Variants in ZNF875 observed in about 807,000 individuals in gnomAD.
ZNF875 encodes HKR1, GLI-Kruppel zinc finger family member.
In ZNF875, 14 loss-of-function variants were observed where a neutral mutation model predicts 11.2. The observed-to-expected ratio is 1.26, with a 90% CI of 0.83 to 1.96. ZNF875 has a LOEUF of 1.96. ZNF875 is among the 30% of genes most tolerant of loss of function. The probability of loss-of-function intolerance (pLI) is 0.00; values close to 1 mark genes in which losing one functional copy is unlikely to be tolerated. For missense variants in ZNF875, 752 were observed against 760.4 expected, an observed-to-expected ratio of 0.99 and a Z score of 0.13; for synonymous variants, 301 against 281.1, an observed-to-expected ratio of 1.07 and a Z score of -0.71.
At chr19:37,335,785 C>T (rs1465996182) in intron 2 of ZNF875, among the ~76,000 whole-genome samples, 2 of 152,188 alleles carry the variant, frequency 1.3e-5, no homozygotes, top group Non-Finnish European at 2.9e-5. Context: ...TTGCTCACAT[C>T]CTGCATTCAT....
chr19:37,357,691 T>C lies in ZNF875; in HGVS notation c.257-4418T>C, dbSNP rs117502681. On this transcript the variant is annotated intron_variant, in intron 4 of 4. Transcript: ENST00000392153. ...TATTGATTTTTGTACATTGATTTTG[T>C]ATCCTGGAACTTTACTGAATTTTTT... Among the ~76,000 whole-genome samples the C allele has an allele frequency of 6.3e-3, 954 of 152,282 alleles. 25 individuals are homozygous for C. Among genetic ancestry groups the C allele is most frequent in the East Asian group, 0.052 (269 of 5,178 alleles).
chr19:37,332,882 A>G (rs952995175), upstream of ZNF875, among the ~76,000 whole-genome samples: 1 of 152,228 alleles, frequency 6.6e-6, no homozygotes, highest in African/African-American at 2.4e-5. Context: ...CTTAAAGCAC[A>G]GATAATGACA....
chr19:37,328,028 G>C (rs2032797804), intron 4 of ZNF875, among the ~76,000 whole-genome samples: 1 of 152,064 alleles, frequency 6.6e-6, no homozygotes, highest in Admixed American at 6.6e-5. Flanking sequence ...GATCACCTGA[G>C]GTCAGGAGTT....
chr19:37,343,929 C>G (rs1182954721), intron 2 of ZNF875, among the ~76,000 whole-genome samples: 1 of 152,152 alleles, frequency 6.6e-6, no homozygotes, highest in African/African-American at 2.4e-5. Context: ...AAGAAGTTCA[C>G]AGAGAGAGTG....
intron 2 of ZNF875, among the ~76,000 whole-genome samples, chr19:37,343,090 A>G (rs2036061261): frequency 6.6e-6 from 1 of 152,066 alleles, no homozygotes; most frequent in Non-Finnish European, 1.5e-5. Context: ...TGTAATCCCA[A>G]CACTTTGGGA....
intron 4 of ZNF875, chr19:37,325,196 C>T (rs1368145304): frequency 2.0e-5 from 3 of 152,254 alleles, no homozygotes; most frequent in Non-Finnish European, 2.9e-5. Context: ...TAGTGTCAGC[C>T]ATGCTACTCT....
intron 2 of ZNF875, among the ~76,000 whole-genome samples, chr19:37,343,328 G>A (rs376194884): frequency 2.7e-5 from 4 of 149,604 alleles, no homozygotes; most frequent in African/African-American, 7.4e-5. Context: ...AGGTGTCAGA[G>A]TGAGACTATC....
upstream of ZNF875, among the ~76,000 whole-genome samples, chr19:37,333,187 A>G (rs1441948580): frequency 6.6e-6 from 1 of 152,138 alleles, no homozygotes. Context: ...GTACACCTAC[A>G]TCTAAACATA....
chr19:37,317,166 A>G (rs1291255655), upstream of ZNF875: 2 of 117,402 alleles, frequency 1.7e-5, no homozygotes, highest in Non-Finnish European at 3.5e-5. Flanking sequence ...ATTTTTTATA[A>G]TTTACTAACC....
At chr19:37,317,070 G>T (rs2030257486), upstream of ZNF875, 1 of 149,096 alleles carries the variant, frequency 6.7e-6, no homozygotes. Context: ...CACCTCCCGG[G>T]TTCAAACGAT....
At chr19:37,340,500 A>T (rs1284880841) in intron 2 of ZNF875, among the ~76,000 whole-genome samples, 2 of 152,012 alleles carry the variant, frequency 1.3e-5, no homozygotes, top group Non-Finnish European at 1.5e-5. Context: ...ACTTTTCAGA[A>T]ACCTTTAGTG....
intron 2 of ZNF875, chr19:37,346,956 T>TACAAGTA (rs1171537933): frequency 2.3e-6 from 1 of 434,608 alleles, no homozygotes; most frequent in Admixed American, 3.7e-5. Flanking sequence ...TAACTGGGAT[T>TACAAGTA]ACAGGCATGC....
chr19:37,351,863 C>T (rs1030484985), intron 4 of ZNF875, among the ~76,000 whole-genome samples: 3 of 152,160 alleles, frequency 2.0e-5, no homozygotes, highest in Non-Finnish European at 2.9e-5. Flanking sequence ...ATCCTATGAG[C>T]TCTTAAAAGG....
At chr19:37,315,680 G>C (rs1294795489), upstream of ZNF875, 4 of 152,216 alleles carry the variant, frequency 2.6e-5, no homozygotes, top group Admixed American at 2.6e-4. Flanking sequence ...GTTTATTTCT[G>C]CAACCGATTA....
In ZNF875 at chr19:37,363,119, G is replaced by A. The variant is rs2040248062; in HGVS notation, c.1267G>A (p.Val423Ile). ...GACACACACAGGAGAGAAGCCTTAT[G>A]TATGCACAGAATGTGGGCGTCACTT... Reference protein sequence around the residue: ...LRTHTGEKPYVCTECGRHFSW... With the variant: ...LRTHTGEKPYICTECGRHFSW... The change falls in exon 5 of 5, where the codon GTA becomes ATA. Residue 423 changes from valine (V) to isoleucine (I), a missense_variant. Coordinates refer to ENST00000392153, the MANE Select transcript of ZNF875 (RefSeq NM_001353803.2). 6.2e-7 allele frequency: 1 copy of A among 1,613,816 alleles called. No individual in the cohort carries two copies. The highest frequency in any genetic ancestry group is 8.5e-7 in the Non-Finnish European group (1 of 1,179,954).
intron 4 of ZNF875, among the ~76,000 whole-genome samples, chr19:37,325,660 C>G (rs1225623715): frequency 1.3e-5 from 2 of 151,904 alleles, no homozygotes; most frequent in Non-Finnish European, 2.9e-5. Flanking sequence ...ATCCTCCTAC[C>G]TCAGCCTTCC....
chr19:37,358,081 T>C (rs2039223295), intron 4 of ZNF875: 1 of 392,526 alleles, frequency 2.5e-6, no homozygotes, highest in African/African-American at 2.1e-5. Flanking sequence ...ATTTTTATCA[T>C]GAAGGGGTGT....
intron 2 of ZNF875, 27 bp downstream of exon 2, chr19:37,335,284 G>A (rs1378196822): frequency 2.9e-6 from 2 of 690,262 alleles, no homozygotes; most frequent in Non-Finnish European, 5.3e-6. Flanking sequence ...ATTCTATCTT[G>A]GCTGTCAACA....
Position 37,320,030 on chromosome 19 carries a change from G to A in ZNF875, c.-747+1844G>A, listed in dbSNP as rs182721323. Among the ~76,000 whole-genome samples the A allele has an allele frequency of 1.4e-3, 208 of 152,282 alleles. 3 individuals are homozygous for A. In the Middle Eastern group the frequency reaches 0.017, roughly 12 times the overall value. On this transcript the variant is annotated intron_variant, in intron 1 of 5. Transcript: ENST00000544914. The stretch of plus-strand genomic sequence containing the variant: ...GCCTCTCCCAGTAGCTGGGACTACA[G>A]GCACCCGCCACCACGCCCAGCTAAT...
Sources: gnomAD v4.1 joint callset for allele counts (sites outside exome capture counted in the v4.1 genomes callset) on GRCh38, gnomAD v4.1.1 for gene constraint, MANE v1.5 for transcripts, NCBI Gene and HGNC (gene_info 2026-07-23, HGNC 2026-07-21) for gene names.